NEURL1B: variants seen among roughly 807,000 people sequenced by gnomAD.
The protein encoded by NEURL1B is neuralized E3 ubiquitin protein ligase 1B, also known as E3 ubiquitin-protein ligase NEURL1B.
NEURL1B carries 13 observed loss-of-function variants against 37.4 expected under a neutral mutation model. That is an observed-to-expected ratio of 0.35 (90% CI 0.23 to 0.55). The LOEUF (loss-of-function observed/expected upper bound fraction) is 0.55. Ranked by LOEUF, NEURL1B falls within the 20% of genes least tolerant of loss-of-function variation. The pLI, the probability that NEURL1B is intolerant of heterozygous loss-of-function variation, is 0.89. For missense variants in NEURL1B, 790 were observed against 879.2 expected (o/e 0.90, Z 1.28); for synonymous variants, 432 against 426.6 (o/e 1.01, Z -0.16).
chr5:172,659,963 T>C (rs1181598095), intron 1 of NEURL1B, among the ~76,000 whole-genome samples: 1 of 152,216 alleles, frequency 6.6e-6, no homozygotes, highest in Non-Finnish European at 1.5e-5. Context: ...AGTCATGGGG[T>C]CTGCTTATGT....
intron 3 of NEURL1B, 107 bp downstream of exon 3, chr5:172,684,245 C>T (rs576254586): frequency 2.0e-4 from 193 of 979,456 alleles, no homozygotes; most frequent in Non-Finnish European, 2.4e-4. Flanking sequence ...AGGCGCTGCA[C>T]CGCCCGAGGC....
chr5:172,658,615 G>A lies in NEURL1B; in HGVS notation c.32-11170G>A, dbSNP rs548293770. Among the ~76,000 whole-genome samples, 12 of 152,266 alleles carry A rather than the reference G, an allele frequency of 7.9e-5. No individual in the cohort carries two copies. The South Asian group carries it at 8.3e-4, about 11-fold the overall frequency. ...GCAGGGATGACTTCTGCACTTTGCCGTCAGGAGCCATAGCATCTTTGTCAT... is the reference window on the plus strand; with the variant it reads ...GCAGGGATGACTTCTGCACTTTGCCATCAGGAGCCATAGCATCTTTGTCAT... On this transcript the variant is annotated intron_variant, in intron 1 of 4. Coordinates refer to ENST00000369800, the MANE Select transcript of NEURL1B (RefSeq NM_001142651.3).
chr5:172,676,909 G>A lies in NEURL1B; in HGVS notation c.578-6510G>A, dbSNP rs1347953137. On this transcript the variant is annotated intron_variant, in intron 2 of 4. Transcript: ENST00000369800. The surrounding 1 kb of genome is among the most constrained non-coding windows in gnomAD (Gnocchi z 4.5). Reference sequence around the variant, plus strand: ...TTTGTTCATTATTGTTATAAACAAAGTGTGTGATAAAGACCTGAACTTATG... The same window carrying A: ...TTTGTTCATTATTGTTATAAACAAAATGTGTGATAAAGACCTGAACTTATG... Among the ~76,000 whole-genome samples, 1 of 152,236 alleles carries A rather than the reference G, an allele frequency of 6.6e-6. No homozygotes were observed. The highest frequency in any genetic ancestry group is 1.5e-5 in the Non-Finnish European group (1 of 68,048).
intron 3 of NEURL1B, among the ~76,000 whole-genome samples, chr5:172,685,762 T>A (rs958268336): frequency 6.6e-6 from 1 of 152,200 alleles, no homozygotes; most frequent in Non-Finnish European, 1.5e-5. Flanking sequence ...CCAGGCTTCC[T>A]TCCCAATGAA....
intron 3 of NEURL1B, 33 bp downstream of exon 3, chr5:172,684,171 G>A (rs1271491105): frequency 1.8e-6 from 2 of 1,125,776 alleles, no homozygotes. Flanking sequence ...GCGAGGCCCC[G>A]CCCCTCCCCC....
chr5:172,671,766 T>A (rs920681634), intron 2 of NEURL1B, among the ~76,000 whole-genome samples: 1 of 152,232 alleles, frequency 6.6e-6, no homozygotes, highest in Non-Finnish European at 1.5e-5. Context: ...TGGCCTGGGA[T>A]TCTTGATCCT....
chr5:172,684,173 C>T (rs1758433307), intron 3 of NEURL1B, 35 bp downstream of exon 3: 1 of 1,210,300 alleles, frequency 8.3e-7, no homozygotes, highest in Non-Finnish European at 1.0e-6. Flanking sequence ...GAGGCCCCGC[C>T]CCTCCCCCGT....
chr5:172,666,397 G>T (rs1490464818), intron 1 of NEURL1B, among the ~76,000 whole-genome samples: 2 of 152,192 alleles, frequency 1.3e-5, no homozygotes, highest in African/African-American at 4.8e-5. Flanking sequence ...GAAATGCATG[G>T]CACATGACCA....
chr5:172,683,435 C>T lies in NEURL1B; in HGVS notation c.594C>T (p.Asp198=). The change falls in exon 3 of 5, where the codon GAC becomes GAT. Residue 198 remains aspartate, a synonymous_variant. Transcript: ENST00000369800. The surrounding 1 kb of genome is among the most constrained non-coding windows in gnomAD (Gnocchi z 5.6). ...EVQLLESAFA[D]TLTPARLSQA... ...TCCGCACAGAGAGCGCCTTCGCTGA[C>T]ACGCTGACGCCCGCGCGCCTCAGCC... 1 of 1,424,998 alleles carries T rather than the reference C, an allele frequency of 7.0e-7. No homozygotes were observed. The highest frequency in any genetic ancestry group is 9.2e-7 in the Non-Finnish European group (1 of 1,087,796). 88.3% of individuals were successfully genotyped at this position (1,424,998 alleles called of 1,614,324 possible).
chr5:172,654,402 G>A (rs60520200), intron 1 of NEURL1B, among the ~76,000 whole-genome samples: 2,456 of 152,092 alleles, frequency 0.016, 65 homozygotes, highest in African/African-American at 0.056. Flanking sequence ...ACCATCTATC[G>A]TCCAGTCCTG....
chr5:172,645,822 A>C (rs1757548937), intron 1 of NEURL1B, among the ~76,000 whole-genome samples: 1 of 152,172 alleles, frequency 6.6e-6, no homozygotes, highest in African/African-American at 2.4e-5. Context: ...ACATCACTAA[A>C]GAGCACAAGT....
chr5:172,654,074 A>G (rs911238065), intron 1 of NEURL1B, among the ~76,000 whole-genome samples: 1 of 152,230 alleles, frequency 6.6e-6, no homozygotes, highest in African/African-American at 2.4e-5. Context: ...GCCTAAGGCC[A>G]TAAGATTAGA....
intron 1 of NEURL1B, among the ~76,000 whole-genome samples, chr5:172,656,108 CTG>C (rs1757771969): frequency 1.3e-5 from 2 of 152,140 alleles, no homozygotes; most frequent in African/African-American, 4.8e-5. Context: ...TAGGATTAGA[CTG>C]TGCAGGTTAA....
At position 172,683,674 on chromosome 5, in the gene NEURL1B, C is replaced by T; in HGVS notation, c.833C>T (p.Ala278Val). Residue 278 changes from alanine to valine, a missense_variant, in exon 3 of 5, where the codon GCC becomes GTC. Physicochemically the swap from Ala to Val is moderately conservative, Grantham distance 64 (BLOSUM62 0). Transcript: ENST00000369800. This position sits in a 1 kb window ranked among gnomAD's most constrained non-coding sequence, Gnocchi z 5.6. ...GCGTCGTCGCCGGCGCTACTGGAGG[C>T]CGACCTGCGCTTCCACGCAACACGC... is the stretch of plus-strand genomic sequence containing the variant. ...RPASSPALLE[A>V]DLRFHATRGP... 1 of 1,321,260 alleles carries T rather than the reference C, an allele frequency of 7.6e-7. No homozygotes were observed. Among genetic ancestry groups the T allele is most frequent in the Non-Finnish European group, 9.7e-7 (1 of 1,026,424 alleles). The allele number at this position is 1,321,260 out of a possible 1,614,324, so 81.8% of individuals were successfully genotyped here.
At chr5:172,655,742 T>C (rs1231899270) in intron 1 of NEURL1B, among the ~76,000 whole-genome samples, 22 of 151,516 alleles carry the variant, frequency 1.5e-4, no homozygotes, top group East Asian at 5.8e-4. Flanking sequence ...TTTTTTTTTT[T>C]CCCTCTGCAT....
rs1022269409 is a variant in NEURL1B at position 172,689,289 on chromosome 5, A to T, written c.*2364A>T. ...CACTATGTTCTGTCTTGAGAAGGGG[A>T]CAAGAGAAAGAGGAAAAGGAGCCAC... On this transcript the variant is annotated 3_prime_UTR_variant, in exon 5 of 5. Transcript: ENST00000369800. 3 of 152,196 alleles carry T rather than the reference A, an allele frequency of 2.0e-5. No homozygotes were observed. The highest frequency in any genetic ancestry group is 6.5e-5 in the Admixed American group (1 of 15,272). The allele number at this position is 152,196 out of a possible 1,614,324, so 9.4% of individuals were successfully genotyped here.
chr5:172,673,781 C>A (rs1277089323), intron 2 of NEURL1B, among the ~76,000 whole-genome samples: 1 of 138,366 alleles, frequency 7.2e-6, no homozygotes, highest in African/African-American at 2.8e-5. Flanking sequence ...TTAGTACAAG[C>A]GTATCCCATG....
Position 172,647,832 on chromosome 5 carries a change from A to G in NEURL1B, c.31+6395A>G, listed in dbSNP as rs964785545. Among the ~76,000 whole-genome samples, 4 of 151,972 alleles carry G rather than the reference A, an allele frequency of 2.6e-5. No homozygotes were observed. The highest frequency in any genetic ancestry group is 2.0e-4 in the Admixed American group (3 of 15,268). Reference sequence around the variant, plus strand: ...GTTCTGTGCTCCTTCTTCCTGCCCAACTAGGACTCAGGCTCCTGACTCATC... The same window carrying G: ...GTTCTGTGCTCCTTCTTCCTGCCCAGCTAGGACTCAGGCTCCTGACTCATC... On this transcript the variant is annotated intron_variant, in intron 1 of 4. Transcript: ENST00000369800. The surrounding 1 kb of genome is among the most constrained non-coding windows in gnomAD (Gnocchi z 4.2).
chr5:172,660,179 G>A (rs973395505), intron 1 of NEURL1B, among the ~76,000 whole-genome samples: 1 of 152,232 alleles, frequency 6.6e-6, no homozygotes, highest in Non-Finnish European at 1.5e-5. Flanking sequence ...GGGAGCCGGC[G>A]CCTCTGAAGT....
Sources: gnomAD v4.1 joint callset for allele counts (sites outside exome capture counted in the v4.1 genomes callset) on GRCh38, gnomAD v4.1.1 for gene constraint, Gnocchi (gnomAD v3.1) non-coding constraint, MANE v1.5 for transcripts, NCBI Gene and HGNC (gene_info 2026-07-23, HGNC 2026-07-21) for gene names.